TMEM156: variants seen among roughly 807,000 people sequenced by gnomAD.
TMEM156 encodes the protein transmembrane protein 156.
In TMEM156, 28 loss-of-function variants were observed where a neutral mutation model predicts 30.5. The observed-to-expected ratio is 0.92, with a 90% CI of 0.68 to 1.26. TMEM156 has a LOEUF of 1.26. TMEM156 is among the 50% of genes most tolerant of loss of function. TMEM156 has a pLI of 0.00. For missense variants in TMEM156, 351 were observed against 340.6 expected, an observed-to-expected ratio of 1.03 and a Z score of -0.24; for synonymous variants, 137 against 119.9, an observed-to-expected ratio of 1.14 and a Z score of -0.93.
chr4:38,995,723 A>G (rs1208375849), intron 2 of TMEM156, among the ~76,000 whole-genome samples: 3 of 152,202 alleles, frequency 2.0e-5, no homozygotes, highest in African/African-American at 7.2e-5. Flanking sequence ...CAAAAAAATA[A>G]ATACATAAAT....
chr4:38,993,752 T>G lies in TMEM156; in HGVS notation c.605A>C (p.Glu202Ala). ...TAAAAACTTACTTTTTATATCCATC[T>G]CTAGGTGCAAAGAAATGTGTATACA... ...NDCIHISLHLEMDIKNITCSM... is the reference protein window; with the variant it reads ...NDCIHISLHLAMDIKNITCSM... Residue 202 changes from glutamate (E) to alanine (A), a missense_variant, in exon 3 of 7, where the codon GAG (glutamate) becomes GCG (alanine). Transcript: ENST00000381938. The G allele has an allele frequency of 6.2e-7, 1 of 1,612,746 alleles. No homozygotes were observed.
rs532017495 is a variant in TMEM156 at position 38,999,178 on chromosome 4, G to A, written c.89-269C>T. ...GTCGCCCAGGCTAGAGTGCAGTGGT[G>A]TAATCATAGCTTACTGCAGCCTTGG... On this transcript the variant is annotated intron_variant, in intron 1 of 6. Coordinates refer to ENST00000381938, the MANE Select transcript of TMEM156 (RefSeq NM_024943.3). Among the ~76,000 whole-genome samples, 13 of 140,890 alleles carry A rather than the reference G, an allele frequency of 9.2e-5. No homozygotes were observed. The South Asian group carries it at 2.8e-3, about 31-fold the overall frequency. 92.4% of individuals were successfully genotyped at this position (140,890 alleles called of 152,430 possible). A position where few individuals can be genotyped will look rare whatever the true frequency, so the allele number is the denominator to read the frequency against.
chr4:39,022,530 T>C (rs1249248346), intron 1 of TMEM156, among the ~76,000 whole-genome samples: 3 of 152,234 alleles, frequency 2.0e-5, no homozygotes, highest in African/African-American at 7.2e-5. Context: ...AGTCTTATTG[T>C]CTTATCAGTT....
intron 1 of TMEM156, among the ~76,000 whole-genome samples, chr4:39,021,348 G>A (rs1431393604): frequency 6.8e-6 from 1 of 147,830 alleles, no homozygotes; most frequent in East Asian, 2.0e-4. Context: ...AGAATGCAGT[G>A]AGCCATACTA....
chr4:38,973,784 G>A (rs1461404681), intron 5 of TMEM156, among the ~76,000 whole-genome samples: 3 of 152,074 alleles, frequency 2.0e-5, no homozygotes, highest in South Asian at 2.1e-4. Context: ...GGCAGGGCAC[G>A]CTTTTAGTGT....
intron 3 of TMEM156, among the ~76,000 whole-genome samples, chr4:38,991,206 C>CTTTTT (rs34417437): frequency 7.0e-6 from 1 of 142,770 alleles, no homozygotes; most frequent in Non-Finnish European, 1.5e-5. Flanking sequence ...TTTTAACTGT[C>CTTTTT]TTTTTCTTTT....
chr4:39,004,702 C>A (rs1002613744), intron 1 of TMEM156, among the ~76,000 whole-genome samples: 1 of 152,078 alleles, frequency 6.6e-6, no homozygotes, highest in African/African-American at 2.4e-5. Context: ...ATTCATTCTT[C>A]TGACAGTGAA....
chr4:38,990,806 T>C (rs1298396953), intron 3 of TMEM156, among the ~76,000 whole-genome samples: 1 of 151,490 alleles, frequency 6.6e-6, no homozygotes, highest in East Asian at 1.9e-4. Flanking sequence ...TTGCTGTTGC[T>C]TTGTTTTTTT....
At chr4:39,027,541 T>C (rs1281141474) in intron 1 of TMEM156, among the ~76,000 whole-genome samples, 1 of 147,884 alleles carries the variant, frequency 6.8e-6, no homozygotes, top group Non-Finnish European at 1.5e-5. Flanking sequence ...TGTTTTCATC[T>C]ATACTATTCC....
In TMEM156 at chr4:38,989,757, T is replaced by C. The variant is rs963864011; in HGVS notation, c.620-787A>G. 3.3e-5 allele frequency among the ~76,000 whole-genome samples: 5 copies of C among 152,186 alleles called. No individual in the cohort carries two copies. In the East Asian group the frequency reaches 9.6e-4, roughly 29 times the overall value. On this transcript the variant is annotated intron_variant, in intron 3 of 6. Transcript: ENST00000381938. ...TCATCATAGCTAACACACAACTGTC[T>C]ACTGACTCATTTTTTATTTTATTTT...
intron 1 of TMEM156, among the ~76,000 whole-genome samples, chr4:39,026,110 T>C (rs1715187329): frequency 6.6e-6 from 1 of 152,040 alleles, no homozygotes; most frequent in Non-Finnish European, 1.5e-5. Context: ...TTTGGAGAAA[T>C]CAGATAATTT....
At chr4:39,029,544 C>T (rs1715398874) in intron 1 of TMEM156, among the ~76,000 whole-genome samples, 1 of 13,926 alleles carries the variant, frequency 7.2e-5, no homozygotes, top group Non-Finnish European at 1.3e-4. Context: ...GAAACCCCGT[C>T]TCTACTAAAA....
intron 4 of TMEM156, 62 bp from the exon 5 acceptor site, chr4:38,986,481 C>A: frequency 8.0e-7 from 1 of 1,250,452 alleles, no homozygotes; most frequent in Non-Finnish European, 1.2e-6. Context: ...AACATATATT[C>A]CCCATGTTGG....
intron 5 of TMEM156, chr4:38,981,009 A>G (rs946956073): frequency 1.1e-6 from 1 of 936,884 alleles, no homozygotes; most frequent in Non-Finnish European, 1.3e-6. Flanking sequence ...AAAAAGAATC[A>G]TCCTCTTCAC....
intron 5 of TMEM156, among the ~76,000 whole-genome samples, chr4:38,973,371 C>T (rs569604297): frequency 6.6e-6 from 1 of 152,242 alleles, no homozygotes; most frequent in East Asian, 1.9e-4. Flanking sequence ...TTATTCAAGT[C>T]ATTTTTATGT....
chr4:39,024,171 G>A (rs1026505226), intron 1 of TMEM156, among the ~76,000 whole-genome samples: 1 of 152,294 alleles, frequency 6.6e-6, no homozygotes, highest in African/African-American at 2.4e-5. Flanking sequence ...GAGTAGCTGG[G>A]GATATAGACG....
intron 1 of TMEM156, among the ~76,000 whole-genome samples, chr4:38,999,117 T>TA (rs11402893): frequency 7.2e-5 from 5 of 69,812 alleles, no homozygotes; most frequent in South Asian, 5.5e-4. Context: ...TTTATTTTTT[T>TA]TTTTTTTTTT....
rs71641396 is a variant in TMEM156 at position 38,966,800 on chromosome 4, A to ATTTTTTTT, written c.*872_*879dup. ...TAAATTCGTTTTATTGGTATCTTTGATTTTTTTTTTTTTTTTTTTTTGAGA... is the reference window on the plus strand; with the variant it reads ...TAAATTCGTTTTATTGGTATCTTTGATTTTTTTTTTTTTTTTTTTTTTTTTTTTTGAGA... On this transcript the variant is annotated 3_prime_UTR_variant, in exon 7 of 7. Coordinates refer to ENST00000381938, the MANE Select transcript of TMEM156 (RefSeq NM_024943.3). 2.5e-5 allele frequency: 3 copies of ATTTTTTTT among 121,236 alleles called. No homozygotes were observed. The highest frequency in any genetic ancestry group is 5.0e-5 in the Non-Finnish European group (3 of 59,576). The allele number at this position is 121,236 out of a possible 1,614,324, so 7.5% of individuals were successfully genotyped here.
rs1371872724 is a variant in TMEM156, at chr4:38,993,876, G to A, written c.481C>T (p.Leu161=). Reference sequence around the variant, plus strand: ...GTTGATCTTCCAGTGTGGTTTTTTAGATGACAGGTAGTGTTATATTCCTCC... The same window carrying A: ...GTTGATCTTCCAGTGTGGTTTTTTAAATGACAGGTAGTGTTATATTCCTCC... ...HLEEYNTTCH[L]KNHTGRSTIM... Residue 161 remains leucine (L), a synonymous_variant, in exon 3 of 7, where the codon CTA becomes TTA. Transcript: ENST00000381938. The A allele has an allele frequency of 3.1e-6, 5 of 1,613,998 alleles. No individual in the cohort carries two copies. Among genetic ancestry groups the A allele is most frequent in the Non-Finnish European group, 4.2e-6 (5 of 1,180,020 alleles).
Sources: allele counts gnomAD v4.1 joint callset (sites outside exome capture counted in the v4.1 genomes callset), GRCh38; gene constraint gnomAD v4.1.1; transcripts MANE v1.5; gene names NCBI Gene and HGNC (gene_info 2026-07-23, HGNC 2026-07-21).